The following CASP6 variants were observed in gnomAD, a reference collection of about 807,000 sequenced individuals.
CASP6 encodes the protein caspase-6.
In CASP6, 20 loss-of-function variants were observed where a neutral mutation model predicts 31.8. The ratio of observed to expected loss-of-function variants is 0.63; its 90% CI spans 0.44 to 0.91. The LOEUF is 0.91. Among genes scored for constraint, CASP6 ranks in the 40% least tolerant of loss-of-function variants. CASP6 has a pLI of 0.00. For synonymous variants in CASP6, 130 were observed against 127.8 expected, an observed-to-expected ratio of 1.02 and a Z score of -0.12; for missense variants, 328 against 361.1, an observed-to-expected ratio of 0.91 and a Z score of 0.74.
chr4:109,677,802 ATTTTTTTTTTTTTT>A, the CASP6 span, among the ~76,000 whole-genome samples: 2 of 86,606 alleles, frequency 2.3e-5, no homozygotes, highest in African/African-American at 4.7e-5. Flanking sequence ...AAGGAAACAA[ATTTTTTTTTTTTTT>A]TTTTTTTTTT....
At chr4:109,702,264 G>A (rs912807394) in intron 1 of CASP6, among the ~76,000 whole-genome samples, 4 of 151,960 alleles carry the variant, frequency 2.6e-5, no homozygotes, top group African/African-American at 7.2e-5. Flanking sequence ...CATTTCCTTT[G>A]TGCAGCAAAA....
downstream of CASP6, chr4:109,684,552 G>T: frequency 2.5e-6 from 4 of 1,610,412 alleles, no homozygotes; most frequent in South Asian, 4.4e-5. Context: ...CTCACGTGGT[G>T]GGTGTACTCC....
chr4:109,682,270 CTCAATTGCCTTCAGCTGAAAATAA>C, the CASP6 span, among the ~76,000 whole-genome samples: 1 of 151,540 alleles, frequency 6.6e-6, no homozygotes, highest in East Asian at 1.9e-4. Context: ...GCTGCTTATG[CTCAATTGCCTTCAGCTGAAAATAA>C]TCCTTATGCC....
At chr4:109,703,505 G>A (rs1730501497), upstream of CASP6, 10 of 1,399,624 alleles carry the variant, frequency 7.1e-6, no homozygotes, top group South Asian at 1.1e-4. Context: ...CCCTGCCCCC[G>A]AGCGTGGGGC....
upstream of CASP6, among the ~76,000 whole-genome samples, chr4:109,703,930 A>G (rs1405619978): frequency 6.6e-6 from 1 of 152,026 alleles, no homozygotes; most frequent in African/African-American, 2.4e-5. Flanking sequence ...CTCTCGCAAT[A>G]TTTCAAAATT....
At chr4:109,680,632 A>G in the CASP6 span, among the ~76,000 whole-genome samples, 568 of 152,202 alleles carry the variant, frequency 3.7e-3, 17 homozygotes, top group South Asian at 0.059. Context: ...CCTAGCTTTC[A>G]CCCCTCTGTG....
At chr4:109,669,583 C>T in the CASP6 span, among the ~76,000 whole-genome samples, 1 of 152,008 alleles carries the variant, frequency 6.6e-6, no homozygotes, top group Non-Finnish European at 1.5e-5. Flanking sequence ...GGGGAGTTCT[C>T]AGTCCTTAAT....
At chr4:109,696,145 A>G (rs1730231908) in intron 4 of CASP6, among the ~76,000 whole-genome samples, 1 of 152,182 alleles carries the variant, frequency 6.6e-6, no homozygotes, top group African/African-American at 2.4e-5. Context: ...TTTTACTGCC[A>G]ATTGAAGGGG....
At chr4:109,674,164 T>G in the CASP6 span, 1 of 956,864 alleles carries the variant, frequency 1.0e-6, no homozygotes, top group Non-Finnish European at 1.7e-6. Flanking sequence ...TTGCTTTAGT[T>G]AGACGTCTCA....
Position 109,703,406 on chromosome 4 carries a change from C to A in CASP6, c.-11G>T. The stretch of plus-strand genomic sequence containing the variant: ...CGAGGCCGAGCTCATTGCAGCCAAA[C>A]GCGCAGCCAGACACCTTGCCCTCCT... On this transcript the variant is annotated 5_prime_UTR_variant, in exon 1 of 7. Transcript: ENST00000265164. 1 of 1,611,562 alleles carries A rather than the reference C, an allele frequency of 6.2e-7. No individual in the cohort carries two copies. The highest frequency in any genetic ancestry group is 8.5e-7 in the Non-Finnish European group (1 of 1,179,122).
chr4:109,665,664 A>G, the CASP6 span, among the ~76,000 whole-genome samples: 4 of 151,964 alleles, frequency 2.6e-5, no homozygotes, highest in African/African-American at 9.7e-5. Context: ...TTTTTCATTC[A>G]TTTTGTTGTT....
At chr4:109,695,157 G>A (rs1730198361) in intron 4 of CASP6, among the ~76,000 whole-genome samples, 1 of 152,132 alleles carries the variant, frequency 6.6e-6, no homozygotes, top group Non-Finnish European at 1.5e-5. Context: ...TAAAATATCT[G>A]TGATGAAACA....
At chr4:109,687,439 A>T (rs1244093269), downstream of CASP6, 15 of 996,566 alleles carry the variant, frequency 1.5e-5, no homozygotes, top group Non-Finnish European at 6.3e-6. Context: ...CTAAGTTTAT[A>T]GAATTCCTCT....
At chr4:109,701,907 C>T (rs1282918414) in intron 1 of CASP6, among the ~76,000 whole-genome samples, 2 of 152,218 alleles carry the variant, frequency 1.3e-5, no homozygotes, top group Non-Finnish European at 2.9e-5. Context: ...CACGCAGCCC[C>T]TCCCACCCGA....
At chr4:109,700,396 C>T (rs192353418) in intron 1 of CASP6, among the ~76,000 whole-genome samples, 24 of 152,218 alleles carry the variant, frequency 1.6e-4, no homozygotes, top group African/African-American at 3.6e-4. Context: ...TAGTGGCAAG[C>T]CTATAGTCCC....
At chr4:109,700,478 C>G (rs1167151937) in intron 1 of CASP6, among the ~76,000 whole-genome samples, 2 of 152,168 alleles carry the variant, frequency 1.3e-5, no homozygotes, top group African/African-American at 2.4e-5. Context: ...GCTATGACTG[C>G]CCCTGTGAAT....
upstream of CASP6, among the ~76,000 whole-genome samples, chr4:109,706,174 C>CACAT (rs1554022993): frequency 2.8e-3 from 255 of 91,880 alleles, 5 homozygotes; most frequent in African/African-American, 0.012. Flanking sequence ...TATATATACA[C>CACAT]ACACACATAT....
intron 4 of CASP6, 141 bp from the exon 5 acceptor site, chr4:109,694,841 GT>G (rs1046286575): frequency 9.8e-6 from 8 of 815,454 alleles, no homozygotes; most frequent in African/African-American, 1.8e-5. Flanking sequence ...TGTCTTTTTT[GT>G]TTTTTTGAGA....
At chr4:109,676,784 T>C in the CASP6 span, among the ~76,000 whole-genome samples, 12 of 152,268 alleles carry the variant, frequency 7.9e-5, no homozygotes, top group African/African-American at 2.9e-4. Context: ...CTAATTTACC[T>C]GGCAGAAGAA....
Sources: allele counts gnomAD v4.1 joint callset (sites outside exome capture counted in the v4.1 genomes callset), GRCh38; gene constraint gnomAD v4.1.1; transcripts MANE v1.5; gene names NCBI Gene and HGNC (gene_info 2026-07-23, HGNC 2026-07-21).